The following FBXO47 variants were observed in gnomAD, a reference collection of about 807,000 sequenced individuals.
FBXO47 encodes F-box protein 47, also known as F-box only protein 47.
In FBXO47, 34 loss-of-function variants were observed where a neutral mutation model predicts 53.9. The ratio of observed to expected loss-of-function variants is 0.63; its 90% CI spans 0.48 to 0.84. FBXO47 has a LOEUF of 0.84. FBXO47 is among the 40% of genes least tolerant of loss of function. The pLI is 0.00. For missense variants in FBXO47, 485 were observed against 541.3 expected, an observed-to-expected ratio of 0.90 and a Z score of 1.03; for synonymous variants, 165 against 181.6, an observed-to-expected ratio of 0.91 and a Z score of 0.73.
chr17:38,959,301 G>T (rs908044225), intron 3 of FBXO47, among the ~76,000 whole-genome samples: 1 of 151,882 alleles, frequency 6.6e-6, no homozygotes, highest in African/African-American at 2.4e-5. Flanking sequence ...ATTTATAATT[G>T]GCCGAGTACG....
chr17:38,938,108 AACTT>A (rs1448930557), intron 10 of FBXO47, among the ~76,000 whole-genome samples: 1 of 152,242 alleles, frequency 6.6e-6, no homozygotes, highest in African/African-American at 2.4e-5. Context: ...TATTGCTTCT[AACTT>A]TGAGACCTTG....
Position 38,945,859 on chromosome 17 carries a change from C to A in FBXO47, c.617-723G>T, listed in dbSNP as rs1393721995. Among the ~76,000 whole-genome samples, 6 of 147,986 alleles carry A rather than the reference C, an allele frequency of 4.1e-5. No homozygotes were observed. In the East Asian group the frequency reaches 1.2e-3, roughly 29 times the overall value. ...ACTGAGGCAGGAGAATGGCGTTAAC[C>A]CGGGAGGTGGAGCTTGTAGTGAGCC... On this transcript the variant is annotated intron_variant, in intron 6 of 10. Transcript: ENST00000378079.
chr17:38,965,281 C>G (rs1906047221), intron 1 of FBXO47, among the ~76,000 whole-genome samples: 1 of 152,216 alleles, frequency 6.6e-6, no homozygotes, highest in Non-Finnish European at 1.5e-5. Flanking sequence ...CAATCGAAGG[C>G]TCCTTGTTTC....
chr17:38,960,088 T>C (rs1191980183), intron 3 of FBXO47, among the ~76,000 whole-genome samples: 1 of 152,056 alleles, frequency 6.6e-6, no homozygotes, highest in African/African-American at 2.4e-5. Flanking sequence ...ATTACAGGCA[T>C]GAGCCACTGC....
intron 10 of FBXO47, among the ~76,000 whole-genome samples, chr17:38,937,588 C>T (rs926446776): frequency 5.9e-5 from 9 of 152,118 alleles, no homozygotes; most frequent in Admixed American, 4.6e-4. Context: ...AACTCCTGAC[C>T]TCAGGTGATC....
intron 1 of FBXO47, among the ~76,000 whole-genome samples, chr17:38,964,884 C>G (rs893678395): frequency 6.6e-6 from 1 of 152,072 alleles, no homozygotes; most frequent in African/African-American, 2.4e-5. Context: ...ATGACGCGAT[C>G]TCAGCTCACT....
At position 38,944,295 on chromosome 17, in the gene FBXO47, G is replaced by A. The variant is rs540107368; in HGVS notation, c.794-559C>T. 4.6e-5 allele frequency among the ~76,000 whole-genome samples: 7 copies of A among 151,712 alleles called. No homozygotes were observed. In the East Asian group the frequency reaches 1.4e-3, roughly 30 times the overall value. ...AATTCTAGCACTTGGGGAGGCCAAG[G>A]TGGGAGGATCACTTGAGCCCAAGAG... is the stretch of plus-strand genomic sequence containing the variant. On this transcript the variant is annotated intron_variant, in intron 7 of 10. Transcript: ENST00000378079.
At chr17:38,937,790 C>T (rs989596980) in intron 10 of FBXO47, among the ~76,000 whole-genome samples, 5 of 152,124 alleles carry the variant, frequency 3.3e-5, no homozygotes, top group African/African-American at 1.2e-4. Context: ...GCCTCAGCCT[C>T]CCGAGTAGCT....
intron 6 of FBXO47, among the ~76,000 whole-genome samples, chr17:38,945,659 G>T (rs1465361765): frequency 6.6e-6 from 1 of 151,780 alleles, no homozygotes; most frequent in African/African-American, 2.4e-5. Context: ...AAAATTGGCC[G>T]GGTGCCGTGG....
At position 38,947,291 on chromosome 17, in the gene FBXO47, CTT is replaced by C. The variant is rs574057248; in HGVS notation, c.617-2157_617-2156del. 7.8e-3 allele frequency among the ~76,000 whole-genome samples: 1,180 copies of C among 151,490 alleles called. 18 individuals are homozygous for C. Among genetic ancestry groups the C allele is most frequent in the African/African-American group, 0.027 (1,118 of 41,296 alleles). ...CTCCAGCCTGGGTGACAGAGCTAGA[CTT>C]TGTCTAAACAACAACAAAAAAAGAA... On this transcript the variant is annotated intron_variant, in intron 6 of 10. Transcript: ENST00000378079.
chr17:38,963,802 GTT>G (rs377210713), intron 1 of FBXO47, among the ~76,000 whole-genome samples: 45 of 128,628 alleles, frequency 3.5e-4, no homozygotes, highest in African/African-American at 1.2e-3. Flanking sequence ...TTGTTTTGTT[GTT>G]TTTTTTTTTT....
At chr17:38,939,652 C>CTTTTTTTT (rs970784178) in intron 9 of FBXO47, among the ~76,000 whole-genome samples, 1 of 91,110 alleles carries the variant, frequency 1.1e-5, no homozygotes, top group African/African-American at 4.7e-5. Flanking sequence ...TAAAAGGTTT[C>CTTTTTTTT]TTTTTTTTTT....
chr17:38,946,421 A>G (rs1422402459), intron 6 of FBXO47, among the ~76,000 whole-genome samples: 1 of 49,266 alleles, frequency 2.0e-5, no homozygotes, highest in African/African-American at 1.1e-4. Context: ...TATATATATA[A>G]CTATATAAAT....
At chr17:38,949,110 T>C (rs1905076269) in intron 6 of FBXO47, among the ~76,000 whole-genome samples, 1 of 152,106 alleles carries the variant, frequency 6.6e-6, no homozygotes, top group African/African-American at 2.4e-5. Flanking sequence ...CTACTATGAA[T>C]AATGCTGCTA....
In FBXO47 at chr17:38,945,056, A is replaced by T. The variant is rs1904689552; in HGVS notation, c.697T>A (p.Ser233Thr). 6.2e-7 allele frequency: 1 copy of T among 1,614,070 alleles called. No homozygotes were observed. Residue 233 changes from serine (S) to threonine (T), a missense_variant, in exon 7 of 11, where the codon TCT (serine) becomes ACT (threonine). Transcript: ENST00000378079. ...LLDHWTHRSD[S>T]AFWLTRILKP... ...AATATTCGCGTCAACCAAAAAGCAGAATCACTTCGATGTGTCCAATGATCA... is the reference window on the plus strand; with the variant it reads ...AATATTCGCGTCAACCAAAAAGCAGTATCACTTCGATGTGTCCAATGATCA...
chr17:38,960,440 G>T (rs536350624), intron 3 of FBXO47, among the ~76,000 whole-genome samples: 8 of 152,010 alleles, frequency 5.3e-5, no homozygotes, highest in Non-Finnish European at 1.0e-4. Flanking sequence ...AAGCAATTAA[G>T]ATCAATACAT....
intron 1 of FBXO47, 134 bp from the exon 2 acceptor site, chr17:38,963,185 G>T: frequency 1.8e-6 from 1 of 570,438 alleles, no homozygotes; most frequent in Non-Finnish European, 3.0e-6. Flanking sequence ...AAAGATTTTT[G>T]GTTTTTTTTT....
At chr17:38,941,267 T>C (rs1056794650) in intron 9 of FBXO47, among the ~76,000 whole-genome samples, 5 of 151,878 alleles carry the variant, frequency 3.3e-5, no homozygotes, top group South Asian at 2.1e-4. Flanking sequence ...CCTGCCAGGC[T>C]CAAGTGATTC....
rs531265250 is a variant in FBXO47 at position 38,947,171 on chromosome 17, G to A, written c.617-2035C>T. Among the ~76,000 whole-genome samples the A allele has an allele frequency of 8.0e-4, 118 of 148,260 alleles. 1 individual carries two copies. The highest frequency in any genetic ancestry group is 6.1e-3 in the Admixed American group (89 of 14,592). On this transcript the variant is annotated intron_variant, in intron 6 of 10. Coordinates refer to ENST00000378079, the MANE Select transcript of FBXO47 (RefSeq NM_001008777.3). Reference sequence around the variant, plus strand: ...AGTAGCCAGGCAGCGGCAGTGGCACGTGCCTTTGATCCCAGCTACTCAGGA... The same window carrying A: ...AGTAGCCAGGCAGCGGCAGTGGCACATGCCTTTGATCCCAGCTACTCAGGA...
Sources: allele counts gnomAD v4.1 joint callset (sites outside exome capture counted in the v4.1 genomes callset), GRCh38; gene constraint gnomAD v4.1.1; transcripts MANE v1.5; gene names NCBI Gene and HGNC (gene_info 2026-07-23, HGNC 2026-07-21).